NBEA: variants seen among roughly 807,000 people sequenced by gnomAD.
The protein encoded by NBEA is neurobeachin, also known as lysosomal-trafficking regulator 2.
Under a neutral mutation model 343.4 loss-of-function variants are expected in NBEA, and 44 were observed. That is an observed-to-expected ratio of 0.13 (90% CI 0.10 to 0.16). The LOEUF is 0.16. Among genes scored for constraint, NBEA ranks in the 10% least tolerant of loss-of-function variants. NBEA has a pLI of 1.00. For missense variants in NBEA, 2,555 were observed against 3,631.3 expected (o/e 0.70, Z 7.62); for synonymous variants, 1,175 against 1,238.7 (o/e 0.95, Z 1.08).
intron 51 of NBEA, among the ~76,000 whole-genome samples, chr13:35,649,176 C>T (rs1593467918): frequency 6.6e-6 from 1 of 152,260 alleles, no homozygotes; most frequent in East Asian, 1.9e-4. Flanking sequence ...TATGGGGCTA[C>T]TGTATTTTAA....
At chr13:35,571,300 C>T (rs1405102754) in intron 45 of NBEA, among the ~76,000 whole-genome samples, 1 of 152,056 alleles carries the variant, frequency 6.6e-6, no homozygotes, top group East Asian at 1.9e-4. Context: ...AGTTGGGAAA[C>T]TTCTGAATGA....
chr13:35,405,967 A>G (rs2043246757), intron 38 of NBEA, among the ~76,000 whole-genome samples: 1 of 152,148 alleles, frequency 6.6e-6, no homozygotes, highest in Non-Finnish European at 1.5e-5. Flanking sequence ...CTACTGGCAG[A>G]AAAGAAAAAG....
chr13:35,306,369 G>T (rs2036891747), intron 35 of NBEA, among the ~76,000 whole-genome samples: 1 of 151,670 alleles, frequency 6.6e-6, no homozygotes, highest in African/African-American at 2.4e-5. Context: ...ACTAGATAGT[G>T]ACCTTTAAAA....
At chr13:35,664,985 C>T (rs1028946365) in intron 55 of NBEA, 100 bp from the exon 56 acceptor site, 2 of 787,298 alleles carry the variant, frequency 2.5e-6, no homozygotes, top group Non-Finnish European at 2.1e-6. Context: ...ATAATAATGC[C>T]CTTAATAAAC....
rs773783447 is a variant in NBEA at position 35,159,553 on chromosome 13, C to T, written c.3382C>T (p.Pro1128Ser). The change falls in exon 22 of 59, where the codon CCA becomes TCA. Residue 1128 changes from proline to serine, a missense_variant. Pro to Ser is a moderately conservative substitution (Grantham distance 74, BLOSUM62 -1). Transcript: ENST00000379939. ...AAAAAATGAAGAAAAGGATAATGGT[C>T]CATTGATAACATTAGCAGATGAGAA... ...IKKNEEKDNGPLITLADEKED... is the reference protein window; with the variant it reads ...IKKNEEKDNGSLITLADEKED... 6 of 1,612,288 alleles carry T rather than the reference C, an allele frequency of 3.7e-6. No individual in the cohort carries two copies. In the Admixed American group the frequency reaches 5.0e-5, roughly 13 times the overall value.
intron 2 of NBEA, 144 bp from the exon 3 acceptor site, chr13:35,044,803 C>T (rs758130352): frequency 8.2e-6 from 3 of 364,580 alleles, no homozygotes; most frequent in Non-Finnish European, 9.7e-6. Context: ...GGACATTTAG[C>T]TGTATTAGAT....
chr13:35,668,720 G>C (rs1176518924), intron 58 of NBEA, among the ~76,000 whole-genome samples: 1 of 152,200 alleles, frequency 6.6e-6, no homozygotes, highest in East Asian at 1.9e-4. Flanking sequence ...AGGAAAAAAA[G>C]AAAAGGATCT....
intron 34 of NBEA, among the ~76,000 whole-genome samples, chr13:35,263,537 G>A (rs1398136370): frequency 6.6e-6 from 1 of 152,006 alleles, no homozygotes; most frequent in Non-Finnish European, 1.5e-5. Context: ...CACAAAACAA[G>A]TCTTAACATA....
intron 1 of NBEA, among the ~76,000 whole-genome samples, chr13:35,001,908 T>C (rs551815532): frequency 6.6e-6 from 1 of 152,282 alleles, no homozygotes; most frequent in South Asian, 2.1e-4. Context: ...CATTGAAATA[T>C]CACTCTTTAC....
chr13:35,194,339 G>C (rs1428271035), intron 30 of NBEA, among the ~76,000 whole-genome samples: 1 of 152,020 alleles, frequency 6.6e-6, no homozygotes, highest in African/African-American at 2.4e-5. Flanking sequence ...ATGTCTTGCT[G>C]ACATCAAGGT....
intron 41 of NBEA, among the ~76,000 whole-genome samples, chr13:35,496,649 A>AAT (rs1594807440): frequency 7.7e-6 from 1 of 130,076 alleles, no homozygotes; most frequent in Non-Finnish European, 1.7e-5. Context: ...AAAAAAAAAA[A>AAT]AGAATAGAAA....
At chr13:35,152,749 T>C (rs1205965023) in intron 18 of NBEA, among the ~76,000 whole-genome samples, 1 of 152,192 alleles carries the variant, frequency 6.6e-6, no homozygotes, top group African/African-American at 2.4e-5. Flanking sequence ...TTATAGCCAC[T>C]GGGGACATGT....
chr13:35,290,803 CTCTTA>C (rs2035757404), intron 35 of NBEA, among the ~76,000 whole-genome samples: 3 of 151,080 alleles, frequency 2.0e-5, no homozygotes, highest in South Asian at 4.1e-4. Context: ...GTATCTTCTT[CTCTTA>C]TATTTGAGAT....
intron 34 of NBEA, among the ~76,000 whole-genome samples, chr13:35,268,266 G>T (rs1472018033): frequency 6.6e-6 from 1 of 152,076 alleles, no homozygotes. Flanking sequence ...GGCAAATGAT[G>T]TGTGATTTTA....
At chr13:35,285,940 C>T (rs969407883) in intron 34 of NBEA, among the ~76,000 whole-genome samples, 3 of 152,136 alleles carry the variant, frequency 2.0e-5, no homozygotes, top group Non-Finnish European at 4.4e-5. Flanking sequence ...CTGACGATTG[C>T]ATGCTTCTTT....
At chr13:35,209,449 A>C (rs1236518178) in intron 32 of NBEA, among the ~76,000 whole-genome samples, 1 of 152,172 alleles carries the variant, frequency 6.6e-6, no homozygotes, top group Non-Finnish European at 1.5e-5. Context: ...TAATGAATCT[A>C]GGAACAAAAA....
intron 1 of NBEA, among the ~76,000 whole-genome samples, chr13:34,976,937 TCTA>T (rs1396633901): frequency 6.2e-5 from 9 of 144,432 alleles, no homozygotes; most frequent in East Asian, 4.3e-4. Flanking sequence ...TCTTTTTCTC[TCTA>T]TTTTTTTTTT....
At chr13:35,320,386 T>G (rs1262014379) in intron 36 of NBEA, among the ~76,000 whole-genome samples, 2 of 152,210 alleles carry the variant, frequency 1.3e-5, no homozygotes, top group African/African-American at 4.8e-5. Context: ...AAATTCTGAG[T>G]TGAAAATTCT....
chr13:34,980,373 A>G (rs954833364), intron 1 of NBEA, among the ~76,000 whole-genome samples: 1 of 151,846 alleles, frequency 6.6e-6, no homozygotes, highest in Non-Finnish European at 1.5e-5. Context: ...TCTTTTAAAA[A>G]TTTCTTCCAG....
Sources: gnomAD v4.1 joint callset for allele counts (sites outside exome capture counted in the v4.1 genomes callset) on GRCh38, gnomAD v4.1.1 for gene constraint, MANE v1.5 for transcripts, NCBI Gene and HGNC (gene_info 2026-07-23, HGNC 2026-07-21) for gene names.